Variants in RYR2 observed in about 807,000 individuals in gnomAD.
RYR2 encodes the protein ryanodine receptor 2, also known as cardiac muscle ryanodine receptor-calcium release channel.
RYR2 carries 227 observed loss-of-function variants against 601.1 expected under a neutral mutation model. The ratio of observed to expected loss-of-function variants is 0.38; its 90% CI spans 0.34 to 0.42. The LOEUF is 0.42. Among genes scored for constraint, RYR2 ranks in the 10% least tolerant of loss-of-function variants. The probability of loss-of-function intolerance (pLI) is 1.00; values close to 1 mark genes in which losing one functional copy is unlikely to be tolerated. For synonymous variants in RYR2, 2,223 were observed against 2,175.1 expected, an observed-to-expected ratio of 1.02 and a Z score of -0.61; for missense variants, 4,646 against 6,156.5, an observed-to-expected ratio of 0.75 and a Z score of 8.21.
At chr1:237,177,785 C>A (rs759277265) in intron 1 of RYR2, among the ~76,000 whole-genome samples, 12 of 152,196 alleles carry the variant, frequency 7.9e-5, no homozygotes, top group Middle Eastern at 3.4e-3. Flanking sequence ...ACAAGAATTT[C>A]TTTAGGGTTT....
rs886046276 is a variant in RYR2, at chr1:237,711,847, T to TA, written c.10323+13dup. 9 of 1,217,338 alleles carry TA rather than the reference T, an allele frequency of 7.4e-6. No homozygotes were observed. Among genetic ancestry groups the TA allele is most frequent in the Non-Finnish European group, 1.1e-5 (9 of 825,288 alleles). The allele number at this position is 1,217,338 out of a possible 1,614,324, so 75.4% of individuals were successfully genotyped here. On this transcript the variant is annotated intron_variant, in intron 71 of 104. Coordinates refer to ENST00000366574, the MANE Select transcript of RYR2 (RefSeq NM_001035.3). ...GTCAAAGATGTCAAAGGTATTACTA[T>TA]AAACTGTTTCACTGTTCTGGAAAAT... is the stretch of plus-strand genomic sequence containing the variant.
chr1:237,265,648 T>G (rs1688992953), intron 1 of RYR2, among the ~76,000 whole-genome samples: 1 of 152,114 alleles, frequency 6.6e-6, no homozygotes, highest in Non-Finnish European at 1.5e-5. Flanking sequence ...GGCTTTTATC[T>G]TTAGAGCAAT....
At chr1:237,441,927 T>C (rs1013521893) in intron 13 of RYR2, among the ~76,000 whole-genome samples, 1 of 152,176 alleles carries the variant, frequency 6.6e-6, no homozygotes, top group Non-Finnish European at 1.5e-5. Context: ...AGGTGTGTAA[T>C]TGTGACTTAT....
At chr1:237,408,751 C>T (rs1027280188) in intron 10 of RYR2, among the ~76,000 whole-genome samples, 41 of 152,088 alleles carry the variant, frequency 2.7e-4, no homozygotes, top group Admixed American at 5.2e-4. Context: ...TGCTTTGAAA[C>T]TATAGATCAA....
rs190140598 is a variant in RYR2, at chr1:237,445,488, C to T, written c.1258C>T (p.Arg420Trp). The change falls in exon 14 of 105, where the codon CGG becomes TGG. Residue 420 changes from arginine to tryptophan, a missense_variant. By Grantham distance (101) the Arg-to-Trp change is moderately radical. This residue lies in a region of RYR2 where 1,807 missense variants were observed against 2,088.1 expected (regional missense o/e 0.87). Coordinates refer to ENST00000366574, the MANE Select transcript of RYR2 (RefSeq NM_001035.3). ...AGAATCACGCACAGCCCGAGTTATC[C>T]GGAGCACAGTCTTCCTTTTCAATAG... ...HEESRTARVI[R>W]STVFLFNRFI... 4 of 1,613,638 alleles carry T rather than the reference C, an allele frequency of 2.5e-6. No homozygotes were observed. Among genetic ancestry groups the T allele is most frequent in the Non-Finnish European group, 2.5e-6 (3 of 1,179,686 alleles).
chr1:237,263,540 A>G (rs756432020), intron 1 of RYR2, among the ~76,000 whole-genome samples: 3 of 152,230 alleles, frequency 2.0e-5, no homozygotes, highest in Non-Finnish European at 4.4e-5. Context: ...GTTATTAAAT[A>G]TCAACCAGGA....
chr1:237,556,745 A>G (rs555141884), intron 27 of RYR2, among the ~76,000 whole-genome samples: 1 of 152,110 alleles, frequency 6.6e-6, no homozygotes, highest in South Asian at 2.1e-4. Flanking sequence ...TACCACTACC[A>G]TACAATGAAA....
At chr1:237,081,351 C>G (rs1665622068) in intron 1 of RYR2, among the ~76,000 whole-genome samples, 1 of 148,752 alleles carries the variant, frequency 6.7e-6, no homozygotes, top group South Asian at 2.2e-4. Context: ...CCTACATTTG[C>G]TTTGGTTCAG....
intron 17 of RYR2, among the ~76,000 whole-genome samples, chr1:237,490,189 G>C (rs1052634560): frequency 1.3e-5 from 2 of 152,140 alleles, no homozygotes; most frequent in Non-Finnish European, 2.9e-5. Context: ...TGGGAGGAAG[G>C]GGGATCGAAC....
chr1:237,127,390 C>G (rs1336766328), intron 1 of RYR2, among the ~76,000 whole-genome samples: 2 of 150,576 alleles, frequency 1.3e-5, no homozygotes, highest in African/African-American at 4.9e-5. Context: ...ACCTCCCGGA[C>G]GGGGCGGCTG....
intron 48 of RYR2, among the ~76,000 whole-genome samples, chr1:237,646,012 G>A: frequency 6.6e-6 from 1 of 151,594 alleles, no homozygotes; most frequent in African/African-American, 2.4e-5. Flanking sequence ...GAGTAGCTGG[G>A]ACTACAGGCG....
At chr1:237,641,694 A>G (rs548047691) in intron 47 of RYR2, among the ~76,000 whole-genome samples, 50 of 152,070 alleles carry the variant, frequency 3.3e-4, no homozygotes, top group African/African-American at 1.2e-3. Context: ...GGCACATGCC[A>G]CCACGCCCAA....
At chr1:237,566,872 A>G (rs750015565) in intron 28 of RYR2, 97 bp downstream of exon 28, 2 of 1,196,386 alleles carry the variant, frequency 1.7e-6, no homozygotes, top group Non-Finnish European at 2.5e-6. Context: ...AGTGTTTCCC[A>G]CAGCACAAAC....
rs551140501 is a variant in RYR2 at position 237,436,454 on chromosome 1, C to CTTT, written c.1006-4843_1006-4841dup. ...AGCCGAGGGATAATGTGTGATTTTC[C>CTTT]TTTTTTTTTTTTTTTTTTTTTTTTG... On this transcript the variant is annotated intron_variant, in intron 12 of 104. Coordinates refer to ENST00000366574, the MANE Select transcript of RYR2 (RefSeq NM_001035.3). 1.4e-3 allele frequency among the ~76,000 whole-genome samples: 70 copies of CTTT among 48,714 alleles called. 8 individuals are homozygous for CTTT. The highest frequency in any genetic ancestry group is 6.1e-3 in the African/African-American group (62 of 10,154). The allele number at this position is 48,714 out of a possible 152,430, so 32.0% of individuals were successfully genotyped here.
chr1:237,655,532 A>G (rs1405193410), intron 52 of RYR2, among the ~76,000 whole-genome samples: 5 of 152,202 alleles, frequency 3.3e-5, no homozygotes, highest in African/African-American at 4.8e-5. Flanking sequence ...TCTCTTAACA[A>G]TATTTTACAC....
At chr1:237,226,679 C>T (rs890608232) in intron 1 of RYR2, among the ~76,000 whole-genome samples, 1 of 152,088 alleles carries the variant, frequency 6.6e-6, no homozygotes, top group Non-Finnish European at 1.5e-5. Context: ...TACTTAAAAG[C>T]GCTGACAGTG....
chr1:237,382,146 T>A (rs1172900949), intron 8 of RYR2, among the ~76,000 whole-genome samples: 2 of 152,216 alleles, frequency 1.3e-5, no homozygotes, highest in African/African-American at 4.8e-5. Flanking sequence ...TTGTTTGCAC[T>A]GGAAATGTAG....
intron 25 of RYR2, among the ~76,000 whole-genome samples, chr1:237,535,484 TACACACACACACAC>T (rs58146773): frequency 6.9e-6 from 1 of 144,638 alleles, no homozygotes; most frequent in African/African-American, 2.6e-5. Context: ...CAAACACACA[TACACACACACACAC>T]ACACACACAC....
chr1:237,269,631 T>C (rs1488103252), intron 1 of RYR2, among the ~76,000 whole-genome samples: 3 of 152,236 alleles, frequency 2.0e-5, no homozygotes, highest in Admixed American at 1.3e-4. Context: ...TCCATTTTCT[T>C]ACTGTGCATT....
Sources: gnomAD v4.1 joint callset for allele counts (sites outside exome capture counted in the v4.1 genomes callset) on GRCh38, gnomAD v4.1.1 for gene constraint, gnomAD v4.1.1 regional missense constraint, MANE v1.5 for transcripts, NCBI Gene and HGNC (gene_info 2026-07-23, HGNC 2026-07-21) for gene names.